STXBP4: variants seen among roughly 807,000 people sequenced by gnomAD.
STXBP4 encodes the protein syntaxin binding protein 4.
STXBP4 carries 55 observed loss-of-function variants against 76.1 expected under a neutral mutation model. The ratio of observed to expected loss-of-function variants is 0.72; its 90% CI spans 0.58 to 0.91. The LOEUF is 0.91. Ranked by LOEUF, STXBP4 falls within the 40% of genes least tolerant of loss-of-function variation. The pLI, the probability that STXBP4 is intolerant of heterozygous loss-of-function variation, is 0.00. For synonymous variants in STXBP4, 201 were observed against 220.2 expected (o/e 0.91, Z 0.77); for missense variants, 618 against 636.9 (o/e 0.97, Z 0.32).
intron 16 of STXBP4, among the ~76,000 whole-genome samples, chr17:55,126,976 A>G (rs2079919740): frequency 6.6e-6 from 1 of 152,180 alleles, no homozygotes; most frequent in African/African-American, 2.4e-5. Flanking sequence ...CTGGTTCAGG[A>G]TATTTCCCCT....
the STXBP4 span, among the ~76,000 whole-genome samples, chr17:55,189,928 G>T: frequency 6.6e-6 from 1 of 152,126 alleles, no homozygotes; most frequent in African/African-American, 2.4e-5. Flanking sequence ...TAGAAGAGTA[G>T]AGAAAATAAC....
intron 4 of STXBP4, 140 bp downstream of exon 4, chr17:54,991,097 A>T: frequency 1.1e-6 from 1 of 911,980 alleles, no homozygotes; most frequent in Non-Finnish European, 1.5e-6. Context: ...TTAGAAGATA[A>T]GACTATTGCC....
intron 17 of STXBP4, 150 bp downstream of exon 17, chr17:55,141,517 G>T: frequency 1.7e-6 from 1 of 590,664 alleles, no homozygotes; most frequent in Non-Finnish European, 2.8e-6. Flanking sequence ...TTCGTTTCAT[G>T]TGATTTAAAT....
In STXBP4 at chr17:54,986,147, G is replaced by C; in HGVS notation, c.-73G>C. On this transcript the variant is annotated 5_prime_UTR_variant, in exon 3 of 18. Coordinates refer to ENST00000376352, the MANE Select transcript of STXBP4 (RefSeq NM_178509.6). ...TTCTACTTCTTCAATCCTAGGAAAA[G>C]AAGAATTTCTAGACTCTTCATCAAG... 7.6e-7 allele frequency: 1 copy of C among 1,307,614 alleles called. No homozygotes were observed. Among genetic ancestry groups the C allele is most frequent in the South Asian group, 1.3e-5 (1 of 78,012 alleles). The allele number at this position is 1,307,614 out of a possible 1,614,324, so 81.0% of individuals were successfully genotyped here.
chr17:55,200,415 G>T, the STXBP4 span, among the ~76,000 whole-genome samples: 1 of 152,194 alleles, frequency 6.6e-6, no homozygotes, highest in Non-Finnish European at 1.5e-5. Flanking sequence ...AAACTTTCAA[G>T]GGGAATTAAA....
downstream of STXBP4, among the ~76,000 whole-genome samples, chr17:55,174,654 A>G (rs1208253745): frequency 6.6e-6 from 1 of 152,130 alleles, no homozygotes; most frequent in Non-Finnish European, 1.5e-5. Context: ...TTTCACCTAT[A>G]TACCAGTTTA....
rs542385448 is a variant in STXBP4, at chr17:55,052,948, T to G, written c.1011+5794T>G. Among the ~76,000 whole-genome samples the G allele has an allele frequency of 5.1e-4, 67 of 132,656 alleles. No homozygotes were observed. The South Asian group carries it at 0.018, about 35-fold the overall frequency. 87.0% of individuals were successfully genotyped at this position (132,656 alleles called of 152,430 possible). A position where few individuals can be genotyped will look rare whatever the true frequency, so the allele number is the denominator to read the frequency against. ...GTGTGTGTGTGTGTGTGTGTGTGTGTGTGGGTTGTATTCTTTAGAAATGTC... is the reference window on the plus strand; with the variant it reads ...GTGTGTGTGTGTGTGTGTGTGTGTGGGTGGGTTGTATTCTTTAGAAATGTC... On this transcript the variant is annotated intron_variant, in intron 12 of 17. Transcript: ENST00000376352.
At chr17:54,983,421 A>G (rs922836879) in intron 1 of STXBP4, among the ~76,000 whole-genome samples, 1 of 152,188 alleles carries the variant, frequency 6.6e-6, no homozygotes, top group Non-Finnish European at 1.5e-5. Flanking sequence ...AGTTAGAACA[A>G]CTCACCAAAG....
At chr17:55,056,267 A>G (rs977736385) in intron 12 of STXBP4, among the ~76,000 whole-genome samples, 7 of 152,108 alleles carry the variant, frequency 4.6e-5, no homozygotes, top group African/African-American at 9.7e-5. Flanking sequence ...TCATTATGAG[A>G]TATTTTTACT....
chr17:55,041,966 T>TCA (rs1567733839), intron 10 of STXBP4, among the ~76,000 whole-genome samples: 5 of 152,108 alleles, frequency 3.3e-5, no homozygotes, highest in African/African-American at 1.2e-4. Context: ...CTTATGAGTG[T>TCA]TTGTGTTGAG....
intron 1 of STXBP4, among the ~76,000 whole-genome samples, chr17:54,982,876 T>A (rs1168357461): frequency 6.6e-6 from 1 of 152,212 alleles, no homozygotes; most frequent in African/African-American, 2.4e-5. Context: ...CTCATTCCAC[T>A]TTTTTGGTGA....
At chr17:55,026,609 CAG>C (rs2078420071) in intron 8 of STXBP4, among the ~76,000 whole-genome samples, 3 of 152,122 alleles carry the variant, frequency 2.0e-5, no homozygotes, top group Admixed American at 2.0e-4. Context: ...GTGTAGCTCA[CAG>C]GGGAAGGCAT....
intron 8 of STXBP4, among the ~76,000 whole-genome samples, chr17:55,023,690 G>T: frequency 6.6e-6 from 1 of 151,168 alleles, no homozygotes; most frequent in African/African-American, 2.4e-5. Flanking sequence ...TAGGAAGGAA[G>T]AAAAAAAAGA....
chr17:55,078,590 C>T (rs563135861), intron 14 of STXBP4, 96 bp from the exon 15 acceptor site: 22 of 761,104 alleles, frequency 2.9e-5, no homozygotes, highest in African/African-American at 1.4e-4. Context: ...CAGTTTAATC[C>T]GTGGACAGAG....
chr17:55,103,326 T>A (rs1242870284), intron 16 of STXBP4, among the ~76,000 whole-genome samples: 1 of 152,238 alleles, frequency 6.6e-6, no homozygotes. Context: ...AAGGAAGGGA[T>A]CCAGTTTCAG....
chr17:55,062,330 A>G (rs1022207647), intron 12 of STXBP4, among the ~76,000 whole-genome samples: 1 of 152,144 alleles, frequency 6.6e-6, no homozygotes, highest in African/African-American at 2.4e-5. Context: ...TTGAGTAAGA[A>G]CATGCAGTGT....
chr17:54,994,549 C>G (rs1252871894), intron 4 of STXBP4, among the ~76,000 whole-genome samples: 9 of 152,198 alleles, frequency 5.9e-5, no homozygotes, highest in Non-Finnish European at 1.2e-4. Context: ...CTCGAAATAT[C>G]TCTTGAACCC....
At chr17:55,125,212 C>A (rs2079896290) in intron 16 of STXBP4, among the ~76,000 whole-genome samples, 1 of 152,086 alleles carries the variant, frequency 6.6e-6, no homozygotes, top group Admixed American at 6.5e-5. Flanking sequence ...TCTTTTCATT[C>A]AGCATTATTG....
At position 55,164,917 on chromosome 17, in the gene STXBP4, A is replaced by G. The variant is rs1394800673; in HGVS notation, c.*5006A>G. On this transcript the variant is annotated 3_prime_UTR_variant, in exon 18 of 18. Coordinates refer to ENST00000376352, the MANE Select transcript of STXBP4 (RefSeq NM_178509.6). Reference sequence around the variant, plus strand: ...TACCGAGAGCTACTAGAGGCCAGACACTTCACTGAGTAGTAGGGATACAAT... The same window carrying G: ...TACCGAGAGCTACTAGAGGCCAGACGCTTCACTGAGTAGTAGGGATACAAT... 6.6e-6 allele frequency: 1 copy of G among 152,192 alleles called. No individual in the cohort carries two copies. The highest frequency in any genetic ancestry group is 1.5e-5 in the Non-Finnish European group (1 of 68,028). The allele number at this position is 152,192 out of a possible 1,614,324, so 9.4% of individuals were successfully genotyped here.
Sources: allele counts gnomAD v4.1 joint callset (sites outside exome capture counted in the v4.1 genomes callset), GRCh38; gene constraint gnomAD v4.1.1; transcripts MANE v1.5; gene names NCBI Gene and HGNC (gene_info 2026-07-23, HGNC 2026-07-21).